The following HDAC9 variants were observed in gnomAD, a reference collection of about 807,000 sequenced individuals.
The protein encoded by HDAC9 is histone deacetylase 9, also known as MEF-2 interacting transcription repressor (MITR) protein.
In HDAC9, 41 loss-of-function variants were observed where a neutral mutation model predicts 139.4. The observed-to-expected ratio is 0.29, with a 90% CI of 0.23 to 0.38. The LOEUF is 0.38. HDAC9 is among the 10% of genes least tolerant of loss of function. HDAC9 has a pLI of 1.00. For synonymous variants in HDAC9, 517 were observed against 476.2 expected (o/e 1.09, Z -1.12); for missense variants, 1,147 against 1,297.0 (o/e 0.88, Z 1.78).
At chr7:18,797,283 A>T (rs543260547) in intron 17 of HDAC9, among the ~76,000 whole-genome samples, 25 of 152,324 alleles carry the variant, frequency 1.6e-4, no homozygotes, top group African/African-American at 6.0e-4. Context: ...ACAAATATAC[A>T]TTTAAAAAAG....
chr7:18,841,715 A>G (rs1796595903), intron 21 of HDAC9, among the ~76,000 whole-genome samples: 1 of 152,136 alleles, frequency 6.6e-6, no homozygotes, highest in Non-Finnish European at 1.5e-5. Context: ...ATTTTAGTCT[A>G]TTTAACTTTG....
intron 1 of HDAC9, among the ~76,000 whole-genome samples, chr7:18,482,762 A>G (rs1351170802): frequency 6.6e-6 from 1 of 152,200 alleles, no homozygotes; most frequent in African/African-American, 2.4e-5. Context: ...ATTAACAGCT[A>G]GGTGTGCCTG....
At position 18,701,788 on chromosome 7, in the gene HDAC9, C is replaced by T. The variant is rs192431106; in HGVS notation, c.1732-25792C>T. On this transcript the variant is annotated intron_variant, in intron 12 of 25. Transcript: ENST00000686413. ...CTAGATTCCCACATATCTGTGATGT[C>T]TTGTACATATGATTTCCCATAAATT... 7.2e-5 allele frequency among the ~76,000 whole-genome samples: 11 copies of T among 152,334 alleles called. No homozygotes were observed. In the East Asian group the frequency reaches 1.7e-3, roughly 24 times the overall value.
At chr7:18,624,829 A>G (rs1841207471) in intron 6 of HDAC9, among the ~76,000 whole-genome samples, 2 of 151,890 alleles carry the variant, frequency 1.3e-5, no homozygotes, top group Non-Finnish European at 2.9e-5. Flanking sequence ...GCCAGGACTA[A>G]ATGATAGTTA....
intron 22 of HDAC9, among the ~76,000 whole-genome samples, chr7:18,888,571 T>C (rs1800382912): frequency 6.6e-6 from 1 of 152,226 alleles, no homozygotes; most frequent in Non-Finnish European, 1.5e-5. Flanking sequence ...CTTACAAGTG[T>C]CTATATCCTA....
intron 1 of HDAC9, among the ~76,000 whole-genome samples, chr7:18,334,843 A>C (rs561453410): frequency 6.6e-6 from 1 of 151,520 alleles, no homozygotes; most frequent in Non-Finnish European, 1.5e-5. Flanking sequence ...CTGAAACTCT[A>C]ATGGGTCCAG....
At chr7:18,143,356 T>C (rs1429162477) in intron 1 of HDAC9, among the ~76,000 whole-genome samples, 1 of 152,194 alleles carries the variant, frequency 6.6e-6, no homozygotes, top group Non-Finnish European at 1.5e-5. Context: ...ATGCGTATGA[T>C]GCTTTTGGTC....
At chr7:18,509,311 C>G (rs563335289) in intron 2 of HDAC9, 36 of 985,262 alleles carry the variant, frequency 3.7e-5, no homozygotes, top group Non-Finnish European at 4.3e-5. Flanking sequence ...GGTGGGGAAG[C>G]CTTTATCAAT....
intron 2 of HDAC9, among the ~76,000 whole-genome samples, chr7:18,524,963 A>G (rs1178519909): frequency 6.6e-6 from 1 of 152,086 alleles, no homozygotes; most frequent in African/African-American, 2.4e-5. Context: ...GCTGTTCTAA[A>G]TGTAGTATAA....
chr7:18,125,351 T>G (rs571963903), intron 1 of HDAC9, among the ~76,000 whole-genome samples: 1 of 152,226 alleles, frequency 6.6e-6, no homozygotes, highest in Admixed American at 6.5e-5. Context: ...AGATCCTCTG[T>G]TGAGACGCTG....
intron 2 of HDAC9, among the ~76,000 whole-genome samples, chr7:18,212,846 T>C (rs902374717): frequency 3.3e-5 from 5 of 152,216 alleles, no homozygotes; most frequent in African/African-American, 9.6e-5. Context: ...CATTTATTAA[T>C]GTAAATGCCC....
chr7:18,257,118 ATGTGTGTGTGTG>A (rs150400645), intron 2 of HDAC9, among the ~76,000 whole-genome samples: 67 of 95,292 alleles, frequency 7.0e-4, no homozygotes, highest in African/African-American at 1.8e-3. Context: ...GTGTGCATGT[ATGTGTGTGTGTG>A]TGTGTGTGTG....
At chr7:18,677,809 C>T (rs1427476883) in intron 12 of HDAC9, among the ~76,000 whole-genome samples, 2 of 151,880 alleles carry the variant, frequency 1.3e-5, no homozygotes, top group Non-Finnish European at 2.9e-5. Flanking sequence ...ATTGGCCTTC[C>T]ATTTTGAAGA....
At chr7:18,119,400 T>C (rs1027650266) in intron 1 of HDAC9, among the ~76,000 whole-genome samples, 4 of 152,220 alleles carry the variant, frequency 2.6e-5, no homozygotes, top group African/African-American at 9.6e-5. Flanking sequence ...CAGTCTGTTC[T>C]ATCTCAGCTG....
chr7:18,324,779 G>C (rs1400305964), intron 1 of HDAC9, among the ~76,000 whole-genome samples: 1 of 152,130 alleles, frequency 6.6e-6, no homozygotes, highest in Non-Finnish European at 1.5e-5. Flanking sequence ...TGCCTTTGTG[G>C]TGCTTAGAGG....
intron 2 of HDAC9, among the ~76,000 whole-genome samples, chr7:18,256,156 A>T (rs1231403910): frequency 6.6e-6 from 1 of 152,134 alleles, no homozygotes; most frequent in Non-Finnish European, 1.5e-5. Context: ...TGCGTATCTG[A>T]GATTATTATA....
chr7:18,534,624 T>C (rs1810256552), intron 2 of HDAC9, among the ~76,000 whole-genome samples: 2 of 152,098 alleles, frequency 1.3e-5, no homozygotes, highest in South Asian at 2.1e-4. Flanking sequence ...TATGAGTCGT[T>C]AGGTGTCTCA....
chr7:18,564,263 T>C (rs766893558), intron 2 of HDAC9, among the ~76,000 whole-genome samples: 4 of 152,166 alleles, frequency 2.6e-5, no homozygotes, highest in African/African-American at 7.2e-5. Context: ...TGTCCATGGC[T>C]ATAAATTAAT....
At chr7:18,182,774 T>G (rs988109079) in intron 2 of HDAC9, among the ~76,000 whole-genome samples, 4 of 152,176 alleles carry the variant, frequency 2.6e-5, no homozygotes, top group African/African-American at 9.7e-5. Flanking sequence ...GTTCTGCTAG[T>G]TGTCAGGAGA....
Sources: allele counts gnomAD v4.1 joint callset (sites outside exome capture counted in the v4.1 genomes callset), GRCh38; gene constraint gnomAD v4.1.1; transcripts MANE v1.5; gene names NCBI Gene and HGNC (gene_info 2026-07-23, HGNC 2026-07-21).